The following TMEM132D variants were observed in gnomAD, a reference collection of about 807,000 sequenced individuals.
TMEM132D encodes the protein transmembrane protein 132D.
In TMEM132D, 21 loss-of-function variants were observed where a neutral mutation model predicts 62.3. That is an observed-to-expected ratio of 0.34 (90% CI 0.24 to 0.49). The LOEUF is 0.49. Among genes scored for constraint, TMEM132D ranks in the 20% least tolerant of loss-of-function variants. The probability of loss-of-function intolerance (pLI) is 0.99; values close to 1 mark genes in which losing one functional copy is unlikely to be tolerated. For synonymous variants in TMEM132D, 621 were observed against 575.6 expected, an observed-to-expected ratio of 1.08 and a Z score of -1.13; for missense variants, 1,346 against 1,402.8, an observed-to-expected ratio of 0.96 and a Z score of 0.65.
intron 3 of TMEM132D, among the ~76,000 whole-genome samples, chr12:129,494,363 C>T (rs947707841): frequency 2.6e-5 from 4 of 152,146 alleles, no homozygotes; most frequent in East Asian, 1.9e-4. Flanking sequence ...GGCTCTAAAA[C>T]GTGCATTGCT....
chr12:129,557,232 ACT>A (rs1438472204), intron 2 of TMEM132D, among the ~76,000 whole-genome samples: 1 of 152,046 alleles, frequency 6.6e-6, no homozygotes, highest in Non-Finnish European at 1.5e-5. Context: ...TTTATTGATT[ACT>A]CTGTCATACT....
intron 5 of TMEM132D, among the ~76,000 whole-genome samples, chr12:129,130,581 C>A (rs1876348143): frequency 6.6e-6 from 1 of 152,124 alleles, no homozygotes; most frequent in African/African-American, 2.4e-5. Flanking sequence ...AGTCTTTTTC[C>A]AATGGAACTT....
intron 1 of TMEM132D, among the ~76,000 whole-genome samples, chr12:129,897,599 G>A (rs1875187630): frequency 6.6e-6 from 1 of 152,122 alleles, no homozygotes; most frequent in Non-Finnish European, 1.5e-5. Context: ...AGCTGACCTA[G>A]GAGATAACCA....
In TMEM132D at chr12:129,289,973, A is replaced by G. The variant is rs571311179; in HGVS notation, c.1299+47661T>C. Among the ~76,000 whole-genome samples the G allele has an allele frequency of 2.0e-5, 3 of 152,346 alleles. No homozygotes were observed. The East Asian group carries it at 5.8e-4, about 29-fold the overall frequency. ...TGTGCAGCTCTGGATTGGATCACGCATGCCAGAAAAGGGATAACTGTTGGA... is the reference window on the plus strand; with the variant it reads ...TGTGCAGCTCTGGATTGGATCACGCGTGCCAGAAAAGGGATAACTGTTGGA... On this transcript the variant is annotated intron_variant, in intron 4 of 8. Transcript: ENST00000422113.
At chr12:129,216,695 G>A (rs1326235096) in intron 4 of TMEM132D, among the ~76,000 whole-genome samples, 2 of 152,176 alleles carry the variant, frequency 1.3e-5, no homozygotes, top group Non-Finnish European at 2.9e-5. Context: ...CATCACTTCA[G>A]TACAGCAGCA....
chr12:129,826,744 C>T (rs1056261719), intron 1 of TMEM132D, among the ~76,000 whole-genome samples: 2 of 152,094 alleles, frequency 1.3e-5, no homozygotes, highest in East Asian at 1.9e-4. Flanking sequence ...TAACCAGGTA[C>T]GAATGGACTA....
intron 5 of TMEM132D, among the ~76,000 whole-genome samples, chr12:129,149,157 C>T (rs1301497949): frequency 6.7e-6 from 1 of 150,302 alleles, no homozygotes; most frequent in East Asian, 1.9e-4. Flanking sequence ...CGTTCTCACT[C>T]ACAAGTGGGA....
chr12:129,665,046 T>C (rs1389967306), intron 2 of TMEM132D, among the ~76,000 whole-genome samples: 13 of 152,192 alleles, frequency 8.5e-5, no homozygotes, highest in Admixed American at 8.5e-4. Flanking sequence ...TACCACATTA[T>C]TAACTACTAA....
chr12:129,485,180 G>C (rs1874547123), intron 3 of TMEM132D, among the ~76,000 whole-genome samples: 2 of 152,168 alleles, frequency 1.3e-5, no homozygotes, highest in Admixed American at 1.3e-4. Flanking sequence ...GTCACTGCAG[G>C]GTGCCAGGCT....
At chr12:129,885,459 C>T (rs1455830685) in intron 1 of TMEM132D, among the ~76,000 whole-genome samples, 5 of 152,196 alleles carry the variant, frequency 3.3e-5, no homozygotes, top group African/African-American at 9.6e-5. Context: ...TTGAAAACTA[C>T]CAATGCTTGG....
chr12:129,075,100 A>C, intron 8 of TMEM132D, 41 bp from the exon 9 acceptor site: 1 of 1,532,080 alleles, frequency 6.5e-7, no homozygotes, highest in Non-Finnish European at 8.8e-7. Flanking sequence ...TGGGCCAAAA[A>C]GCTCATTGAG....
intron 1 of TMEM132D, among the ~76,000 whole-genome samples, chr12:129,833,705 T>G (rs1442220627): frequency 6.6e-6 from 1 of 152,196 alleles, no homozygotes; most frequent in Non-Finnish European, 1.5e-5. Flanking sequence ...AGAATAAAGC[T>G]GTACCCATGT....
In TMEM132D at chr12:129,074,874, G is replaced by GA; in HGVS notation, c.2300dup (p.Lys768GlnfsTer7). The GA allele has an allele frequency of 6.2e-7, 1 of 1,613,852 alleles. No homozygotes were observed. Among genetic ancestry groups the GA allele is most frequent in the Middle Eastern group, 1.6e-4 (1 of 6,062 alleles). On this transcript the variant is annotated frameshift_variant, in exon 9 of 9. Transcript: ENST00000422113. LOFTEE classifies it low-confidence loss of function (END_TRUNC). ...ATTCACTAATAACCATTTCCACCTT[G>GA]ACCAGGGTGCCTTGTCCTTCTGTTT...
chr12:129,402,752 T>G (rs1215050904), intron 3 of TMEM132D, among the ~76,000 whole-genome samples: 1 of 152,084 alleles, frequency 6.6e-6, no homozygotes, highest in African/African-American at 2.4e-5. Context: ...CTGATGGTGA[T>G]GTCAAGAGGA....
intron 3 of TMEM132D, among the ~76,000 whole-genome samples, chr12:129,338,554 C>T (rs951347421): frequency 3.9e-5 from 6 of 152,266 alleles, no homozygotes; most frequent in Middle Eastern, 3.4e-3. Context: ...GATGTCTGCT[C>T]TTCTATGTGA....
At chr12:129,719,157 G>C (rs1034972873) in intron 1 of TMEM132D, among the ~76,000 whole-genome samples, 2 of 151,920 alleles carry the variant, frequency 1.3e-5, no homozygotes, top group African/African-American at 4.8e-5. Flanking sequence ...CTACTTGGGG[G>C]GCTGAGTGGG....
At chr12:129,557,303 C>A (rs1192087294) in intron 2 of TMEM132D, among the ~76,000 whole-genome samples, 1 of 152,090 alleles carries the variant, frequency 6.6e-6, no homozygotes, top group East Asian at 1.9e-4. Context: ...TGCTTATAGG[C>A]TCTAAATGTT....
chr12:129,834,722 G>A (rs553203112), intron 1 of TMEM132D, among the ~76,000 whole-genome samples: 54 of 152,220 alleles, frequency 3.5e-4, no homozygotes, highest in African/African-American at 1.1e-3. Flanking sequence ...ATGGAACCCC[G>A]TCCACAGAGG....
chr12:129,079,562 C>T (rs2135612871), intron 7 of TMEM132D, among the ~76,000 whole-genome samples: 1 of 152,316 alleles, frequency 6.6e-6, no homozygotes, highest in East Asian at 1.9e-4. Flanking sequence ...GTATAACAAC[C>T]TTCCTTCTAG....
Sources: gnomAD v4.1 joint callset for allele counts (sites outside exome capture counted in the v4.1 genomes callset) on GRCh38, gnomAD v4.1.1 for gene constraint, MANE v1.5 for transcripts, NCBI Gene and HGNC (gene_info 2026-07-23, HGNC 2026-07-21) for gene names.